The following BTBD9 variants were observed in gnomAD, a reference collection of about 807,000 sequenced individuals.
The protein encoded by BTBD9 is BTB/POZ domain-containing protein 9.
A neutral mutation model predicts 64.3 loss-of-function variants in BTBD9; 49 were observed. The observed-to-expected ratio is 0.76, with a 90% confidence interval of 0.61 to 0.97. BTBD9 has a LOEUF of 0.97. Ranked by LOEUF, BTBD9 falls within the 50% of genes least tolerant of loss-of-function variation. The pLI, the probability that BTBD9 is intolerant of heterozygous loss-of-function variation, is 0.00. For synonymous variants in BTBD9, 260 were observed against 274.7 expected, an observed-to-expected ratio of 0.95 and a Z score of 0.53; for missense variants, 598 against 762.1, an observed-to-expected ratio of 0.78 and a Z score of 2.53.
intron 8 of BTBD9, among the ~76,000 whole-genome samples, chr6:38,261,103 C>G (rs980886651): frequency 6.6e-6 from 1 of 151,944 alleles, no homozygotes; most frequent in Non-Finnish European, 1.5e-5. Context: ...CCACGCCCAG[C>G]TGATATTTTT....
chr6:38,539,927 ATTT>A (rs1267029267), intron 6 of BTBD9, among the ~76,000 whole-genome samples: 2 of 152,176 alleles, frequency 1.3e-5, no homozygotes, highest in East Asian at 3.8e-4. Flanking sequence ...AGAAATAAGT[ATTT>A]CTAGCAACTT....
chr6:38,425,061 C>T (rs532833056), intron 6 of BTBD9, among the ~76,000 whole-genome samples: 123 of 151,142 alleles, frequency 8.1e-4, no homozygotes, highest in Non-Finnish European at 2.9e-4. Flanking sequence ...GGTGATCCAC[C>T]TGCCTTGGCC....
chr6:38,227,768 C>G (rs1763449238), intron 9 of BTBD9, among the ~76,000 whole-genome samples: 1 of 152,204 alleles, frequency 6.6e-6, no homozygotes, highest in Admixed American at 6.5e-5. Flanking sequence ...TTGCCAAGAA[C>G]TCAGGGATCT....
At chr6:38,386,630 CTTTTTTTTTTTTT>C (rs11423572) in intron 6 of BTBD9, among the ~76,000 whole-genome samples, 1 of 92,782 alleles carries the variant, frequency 1.1e-5, no homozygotes, top group Non-Finnish European at 2.0e-5. Flanking sequence ...CCAGTTTACT[CTTTTTTTTTTTTT>C]TTTTTTTTTG....
At chr6:38,533,002 G>C (rs1158551745) in intron 6 of BTBD9, among the ~76,000 whole-genome samples, 1 of 151,278 alleles carries the variant, frequency 6.6e-6, no homozygotes, top group Non-Finnish European at 1.5e-5. Context: ...AGAACAACCA[G>C]AAAACAAAAA....
chr6:38,474,202 C>T (rs1341959534), intron 6 of BTBD9, among the ~76,000 whole-genome samples: 3 of 152,102 alleles, frequency 2.0e-5, no homozygotes, highest in African/African-American at 4.8e-5. Context: ...AACAGGAAAA[C>T]TAGTTATGGG....
intron 6 of BTBD9, among the ~76,000 whole-genome samples, chr6:38,528,761 A>G (rs925129258): frequency 1.3e-5 from 2 of 152,284 alleles, no homozygotes; most frequent in Non-Finnish European, 2.9e-5. Context: ...GGCCCTGAAT[A>G]ATTAACAGGA....
In BTBD9 at chr6:38,527,482, G is replaced by A. The variant is rs561219653; in HGVS notation, c.1154+50118C>T. Among the ~76,000 whole-genome samples, 4 of 152,150 alleles carry A rather than the reference G, an allele frequency of 2.6e-5. No individual in the cohort carries two copies. The South Asian group carries it at 8.3e-4, about 32-fold the overall frequency. On this transcript the variant is annotated intron_variant, in intron 6 of 10. Coordinates refer to ENST00000481247, the MANE Select transcript of BTBD9 (RefSeq NM_001099272.2). Reference sequence around the variant, plus strand: ...ATGCTGTTCTCATGATAGTGAGTGAGTTCTCACGAGAGGTGATCATTTTAT... The same window carrying A: ...ATGCTGTTCTCATGATAGTGAGTGAATTCTCACGAGAGGTGATCATTTTAT...
rs78085773 is a variant in BTBD9, at chr6:38,413,027, C to T, written c.1155-67934G>A. ...TTCAATGTGTGGCCCTGCTACCAAC[C>T]GCCTAACCCTTAGGAAATCATTTCT... is the stretch of plus-strand genomic sequence containing the variant. On this transcript the variant is annotated intron_variant, in intron 6 of 10. Transcript: ENST00000481247. 1.1e-3 allele frequency among the ~76,000 whole-genome samples: 173 copies of T among 152,270 alleles called. 1 individual carries two copies. Among genetic ancestry groups the T allele is most frequent in the African/African-American group, 3.5e-3 (146 of 41,548 alleles).
At chr6:38,573,013 G>A (rs1775849242) in intron 6 of BTBD9, among the ~76,000 whole-genome samples, 1 of 151,976 alleles carries the variant, frequency 6.6e-6, no homozygotes, top group African/African-American at 2.4e-5. Context: ...ATATATATAT[G>A]TATTGATACA....
intron 6 of BTBD9, among the ~76,000 whole-genome samples, chr6:38,469,589 G>A (rs1048320383): frequency 1.3e-5 from 2 of 152,074 alleles, no homozygotes; most frequent in African/African-American, 2.4e-5. Flanking sequence ...AAAGTGCTGG[G>A]ATTACAGGCG....
intron 6 of BTBD9, among the ~76,000 whole-genome samples, chr6:38,384,292 A>G (rs1766061365): frequency 6.6e-6 from 1 of 152,228 alleles, no homozygotes; most frequent in South Asian, 2.1e-4. Flanking sequence ...CTGCTATAAC[A>G]TCAAATATGC....
chr6:38,537,604 GTGCTTCATTTTGGCTCCAAGGT>G (rs1774077754), intron 6 of BTBD9, among the ~76,000 whole-genome samples: 1 of 152,158 alleles, frequency 6.6e-6, no homozygotes, highest in Non-Finnish European at 1.5e-5. Context: ...GTTAGAGAAA[GTGCTTCATTTTGGCTCCAAGGT>G]ATTGACAATA....
chr6:38,264,676 G>A (rs1764909296), intron 8 of BTBD9, among the ~76,000 whole-genome samples: 1 of 152,228 alleles, frequency 6.6e-6, no homozygotes, highest in Non-Finnish European at 1.5e-5. Context: ...CTGTCACAGG[G>A]TTCGATGACG....
At position 38,248,014 on chromosome 6, in the gene BTBD9, A is replaced by G. The variant is rs146967719; in HGVS notation, c.1562+8395T>C. On this transcript the variant is annotated intron_variant, in intron 9 of 10. Coordinates refer to ENST00000481247, the MANE Select transcript of BTBD9 (RefSeq NM_001099272.2). ...ATTGGTCAGAAAAATGTTGAAAATT[A>G]GAAATAATTTCCGTAATCCCTTATA... is the stretch of plus-strand genomic sequence containing the variant. Among the ~76,000 whole-genome samples, 5 of 152,328 alleles carry G rather than the reference A, an allele frequency of 3.3e-5. 1 individual carries two copies. In the East Asian group the frequency reaches 9.6e-4, roughly 29 times the overall value.
chr6:38,283,261 G>A (rs974766480), intron 8 of BTBD9, among the ~76,000 whole-genome samples: 1 of 152,204 alleles, frequency 6.6e-6, no homozygotes. Flanking sequence ...GGAAGAAATG[G>A]CTTCTGTGGA....
At chr6:38,456,435 T>C (rs1274747221) in intron 6 of BTBD9, among the ~76,000 whole-genome samples, 1 of 152,232 alleles carries the variant, frequency 6.6e-6, no homozygotes, top group East Asian at 1.9e-4. Context: ...TTTTTCCAAA[T>C]TGGTTATACC....
intron 9 of BTBD9, chr6:38,193,880 T>C: frequency 1.0e-6 from 1 of 985,450 alleles, no homozygotes; most frequent in Non-Finnish European, 1.2e-6. Context: ...CTGAGATTGA[T>C]TCACTGCTGC....
chr6:38,234,362 C>A (rs972212462), intron 9 of BTBD9, among the ~76,000 whole-genome samples: 2 of 152,140 alleles, frequency 1.3e-5, no homozygotes, highest in Non-Finnish European at 2.9e-5. Flanking sequence ...GCTGCTTGGG[C>A]CCAGGTATGT....
Sources: gnomAD v4.1 joint callset for allele counts (sites outside exome capture counted in the v4.1 genomes callset) on GRCh38, gnomAD v4.1.1 for gene constraint, MANE v1.5 for transcripts, NCBI Gene and HGNC (gene_info 2026-07-23, HGNC 2026-07-21) for gene names.